C1QTNF6: variants seen among roughly 807,000 people sequenced by gnomAD.
The protein encoded by C1QTNF6 is C1q and TNF related 6.
C1QTNF6 carries 17 observed loss-of-function variants against 20.7 expected under a neutral mutation model. The observed-to-expected ratio is 0.82, with a 90% CI of 0.56 to 1.23. The LOEUF is 1.23. Ranked by LOEUF, C1QTNF6 falls within the 50% of genes most tolerant of loss-of-function variation. C1QTNF6 has a pLI of 0.00. For synonymous variants in C1QTNF6, 130 were observed against 156.3 expected (o/e 0.83, Z 1.25); for missense variants, 329 against 389.7 (o/e 0.84, Z 1.31).
intron 2 of C1QTNF6, among the ~76,000 whole-genome samples, chr22:37,183,992 AC>A (rs1308698984): frequency 3.3e-5 from 5 of 152,054 alleles, no homozygotes; most frequent in African/African-American, 4.8e-5. Context: ...ACGGCAGCCT[AC>A]CCACCTCCCA....
At chr22:37,183,510 A>G (rs905333592) in intron 2 of C1QTNF6, among the ~76,000 whole-genome samples, 2 of 152,230 alleles carry the variant, frequency 1.3e-5, no homozygotes, top group African/African-American at 4.8e-5. Flanking sequence ...GACTTTCAAC[A>G]TAAGAAAAGC....
At chr22:37,190,872 T>G (rs566746386), upstream of C1QTNF6, 125 of 152,338 alleles carry the variant, frequency 8.2e-4, no homozygotes, top group African/African-American at 3.0e-3. Flanking sequence ...TACCGGAGCG[T>G]ACTTTACTCA....
chr22:37,185,024 C>T (rs1187642517), intron 2 of C1QTNF6, among the ~76,000 whole-genome samples, 194 bp downstream of exon 2: 1 of 152,110 alleles, frequency 6.6e-6, no homozygotes, highest in East Asian at 1.9e-4. Flanking sequence ...AACGGGTGCT[C>T]AGGCAGGAGG....
chr22:37,183,679 T>G (rs1924003193), intron 2 of C1QTNF6, among the ~76,000 whole-genome samples: 1 of 152,154 alleles, frequency 6.6e-6, no homozygotes, highest in Non-Finnish European at 1.5e-5. Flanking sequence ...CACAGGCCCT[T>G]GAGGTGGAAG....
In C1QTNF6 at chr22:37,186,532, A is replaced by T. The variant is rs192434713; in HGVS notation, c.52-1077T>A. On this transcript the variant is annotated intron_variant, in intron 1 of 2. Transcript: ENST00000337843. ...TATAAAAAATTCTAAAGGATCAGAAAAGTGTAAGTGTTGGTGAGGATCTGT... is the reference window on the plus strand; with the variant it reads ...TATAAAAAATTCTAAAGGATCAGAATAGTGTAAGTGTTGGTGAGGATCTGT... Among the ~76,000 whole-genome samples, 6 of 152,330 alleles carry T rather than the reference A, an allele frequency of 3.9e-5. 1 individual carries two copies. Among genetic ancestry groups the T allele is most frequent in the Admixed American group, 3.9e-4 (6 of 15,308 alleles).
chr22:37,197,785 T>C (rs1321763940), upstream of C1QTNF6: 1 of 152,318 alleles, frequency 6.6e-6, no homozygotes, highest in Non-Finnish European at 1.5e-5. Flanking sequence ...CCTCCATTTG[T>C]GCGTCATCCG....
chr22:37,189,130 G>T (rs528620058), upstream of C1QTNF6, among the ~76,000 whole-genome samples: 1 of 152,114 alleles, frequency 6.6e-6, no homozygotes, highest in Non-Finnish European at 1.5e-5. Context: ...GACAATATAG[G>T]GTAATTTCCG....
intron 1 of C1QTNF6, among the ~76,000 whole-genome samples, chr22:37,186,648 G>A (rs1371724989): frequency 6.6e-6 from 1 of 152,176 alleles, no homozygotes; most frequent in East Asian, 1.9e-4. Flanking sequence ...CCTGGGTTGG[G>A]TGGGCAGGAA....
At chr22:37,198,663 G>C (rs1925295444), upstream of C1QTNF6, among the ~76,000 whole-genome samples, 1 of 152,142 alleles carries the variant, frequency 6.6e-6, no homozygotes, top group African/African-American at 2.4e-5. Context: ...CCCGCGCCCG[G>C]GAACCCGGGA....
At chr22:37,194,467 A>G (rs1925020020) in intron 2 of C1QTNF6, among the ~76,000 whole-genome samples, 1 of 152,190 alleles carries the variant, frequency 6.6e-6, no homozygotes, top group African/African-American at 2.4e-5. Context: ...CTGACTGGTA[A>G]GAAATTCTTA....
intron 1 of C1QTNF6, among the ~76,000 whole-genome samples, chr22:37,186,760 C>G (rs1924384996): frequency 6.6e-6 from 1 of 152,244 alleles, no homozygotes; most frequent in Admixed American, 6.5e-5. Flanking sequence ...GGTTTTTACA[C>G]TTCTGGCGTT....
upstream of C1QTNF6, among the ~76,000 whole-genome samples, chr22:37,188,707 C>T (rs566997733): frequency 6.6e-6 from 1 of 152,312 alleles, no homozygotes; most frequent in East Asian, 1.9e-4. Flanking sequence ...CTACCACAGT[C>T]GCGTCGCCTC....
upstream of C1QTNF6, chr22:37,198,126 C>A (rs1925260802): frequency 6.6e-6 from 1 of 152,380 alleles, no homozygotes; most frequent in Admixed American, 6.5e-5. Flanking sequence ...GCTCTCATCA[C>A]CCTGCTATCA....
intron 1 of C1QTNF6, 163 bp from the exon 2 acceptor site, chr22:37,185,618 C>G: frequency 7.4e-7 from 1 of 1,345,272 alleles, no homozygotes; most frequent in Non-Finnish European, 9.5e-7. Flanking sequence ...ACTGAGACCT[C>G]CACAGAGCAG....
In C1QTNF6 at chr22:37,182,340, T is replaced by A; in HGVS notation, c.685A>T (p.Met229Leu). The A allele has an allele frequency of 6.2e-7, 1 of 1,614,260 alleles. No individual in the cohort carries two copies. The highest frequency in any genetic ancestry group is 8.5e-7 in the Non-Finnish European group (1 of 1,180,042). ...LYAQPSERSI[M>L]QSQSVMLDLA... ...TCCAGCATCACACTCTGGCTCTGCA[T>A]GATGCTGCGCTCGCTGGGCTGCGCG... is the stretch of plus-strand genomic sequence containing the variant. The change falls in exon 3 of 3, where the codon ATG becomes TTG. Residue 229 changes from methionine (M) to leucine (L), a missense_variant. Transcript: ENST00000337843.
At chr22:37,190,912 G>T (rs186612155), upstream of C1QTNF6, 1 of 151,970 alleles carries the variant, frequency 6.6e-6, no homozygotes, top group Admixed American at 6.5e-5. Context: ...AGCTCAAGAA[G>T]GGGGGGTTTC....
At chr22:37,182,951 A>G in intron 2 of C1QTNF6, 1 of 1,419,916 alleles carries the variant, frequency 7.0e-7, no homozygotes, top group Non-Finnish European at 9.2e-7. Context: ...TGAGTGACTC[A>G]CCCCGGGCCA....
At chr22:37,193,533 G>C (rs1309518626) in intron 2 of C1QTNF6, among the ~76,000 whole-genome samples, 1 of 152,038 alleles carries the variant, frequency 6.6e-6, no homozygotes, top group Non-Finnish European at 1.5e-5. Context: ...AAGCATAAAG[G>C]CCTTTTAAAT....
chr22:37,185,686 G>C (rs1040984781), intron 1 of C1QTNF6: 1 of 1,227,766 alleles, frequency 8.1e-7, no homozygotes, highest in South Asian at 2.8e-5. Context: ...CTGAGTCTCC[G>C]GGCACCCAGT....
Sources: gnomAD v4.1 joint callset for allele counts (sites outside exome capture counted in the v4.1 genomes callset) on GRCh38, gnomAD v4.1.1 for gene constraint, MANE v1.5 for transcripts, NCBI Gene and HGNC (gene_info 2026-07-23, HGNC 2026-07-21) for gene names.